The following AMZ1 variants were observed in gnomAD, a reference collection of about 807,000 sequenced individuals.
AMZ1 encodes the protein archaelysin family metallopeptidase 1, also known as archaemetzincin-1.
Under a neutral mutation model 29.9 loss-of-function variants are expected in AMZ1, and 39 were observed. That is an observed-to-expected ratio of 1.30 (90% CI 1.01 to 1.70). The LOEUF (loss-of-function observed/expected upper bound fraction) is 1.70. AMZ1 is among the 40% of genes most tolerant of loss of function. The probability of loss-of-function intolerance (pLI) is 0.00; values close to 1 mark genes in which losing one functional copy is unlikely to be tolerated. For missense variants in AMZ1, 1,041 were observed against 680.6 expected (o/e 1.53, Z -5.89); for synonymous variants, 458 against 304.0 (o/e 1.51, Z -5.27).
chr7:2,709,398 C>G (rs1435701601), intron 5 of AMZ1, among the ~76,000 whole-genome samples, 154 bp downstream of exon 5: 2 of 152,140 alleles, frequency 1.3e-5, no homozygotes, highest in Non-Finnish European at 2.9e-5. Context: ...AGCTATGAAG[C>G]AGCAGGGGAG....
intron 1 of AMZ1, among the ~76,000 whole-genome samples, chr7:2,689,455 C>G (rs1295426491): frequency 6.6e-6 from 1 of 152,112 alleles, no homozygotes; most frequent in Non-Finnish European, 1.5e-5. Context: ...CTGAGTTTAC[C>G]CATGGTATTA....
Position 2,715,955 on chromosome 7 carries a change from TTCTCGTC to T in AMZ1, c.*3080_*3086del, listed in dbSNP as rs1246837921. ...CACGTGCAAAGTCCACTGAATTGCT[TTCTCGTC>T]TCATCTGTCAGAAGCCCCTGCATTC... On this transcript the variant is annotated 3_prime_UTR_variant, in exon 7 of 7. Transcript: ENST00000683327. 1.3e-4 allele frequency: 20 copies of T among 152,368 alleles called. No individual in the cohort carries two copies. The highest frequency in any genetic ancestry group is 4.1e-4 in the African/African-American group (17 of 41,584). The allele number at this position is 152,368 out of a possible 1,614,324, so 9.4% of individuals were successfully genotyped here. A position where few individuals can be genotyped will look rare whatever the true frequency, so the allele number is the denominator to read the frequency against.
chr7:2,708,792 CCT>C, intron 4 of AMZ1, 76 bp downstream of exon 4: 1 of 1,599,366 alleles, frequency 6.3e-7, no homozygotes, highest in Non-Finnish European at 8.5e-7. Flanking sequence ...TGCAGGGCAC[CCT>C]CTTTGCTTTT....
At chr7:2,759,689 T>G (rs1433739983), upstream of AMZ1, among the ~76,000 whole-genome samples, 1 of 152,228 alleles carries the variant, frequency 6.6e-6, no homozygotes, top group Non-Finnish European at 1.5e-5. Flanking sequence ...TCAGACCCTC[T>G]TCTGTAGTCA....
chr7:2,690,315 C>T (rs752622597), intron 1 of AMZ1, among the ~76,000 whole-genome samples: 12 of 152,150 alleles, frequency 7.9e-5, no homozygotes, highest in East Asian at 1.9e-4. Context: ...ACCTCCAGGG[C>T]GAAAGCAATC....
intron 3 of AMZ1, among the ~76,000 whole-genome samples, chr7:2,703,853 C>G (rs1459367289): frequency 1.3e-5 from 2 of 152,210 alleles, no homozygotes; most frequent in Non-Finnish European, 2.9e-5. Flanking sequence ...TATTCTCATC[C>G]TTTGGCTAAG....
upstream of AMZ1, chr7:2,762,888 T>C (rs798488): frequency 0.29 from 410,311 of 1,433,962 alleles, 60,374 homozygotes; most frequent in Non-Finnish European, 0.3. Flanking sequence ...CGTGGAGCCA[T>C]TGGTGCTGCG....
chr7:2,737,283 TTTTTTG>T lies in AMZ1; in HGVS notation n.551-27423_551-27418del, dbSNP rs1562394941. 9.4e-3 allele frequency among the ~76,000 whole-genome samples: 571 copies of T among 61,036 alleles called. 49 individuals carry two copies. The highest frequency in any genetic ancestry group is 0.011 in the African/African-American group (167 of 14,914). 40.0% of individuals were successfully genotyped at this position (61,036 alleles called of 152,430 possible). A position where few individuals can be genotyped will look rare whatever the true frequency, so the allele number is the denominator to read the frequency against. Reference sequence around the variant, plus strand: ...CTCACAGTTTTGTTTTGTTTTTTTTTTTTTTGTTTTTTTTTTTTTTTTTGAGATGGA... The same window carrying T: ...CTCACAGTTTTGTTTTGTTTTTTTTTTTTTTTTTTTTTTTTTTGAGATGGA... On this transcript the variant is annotated intron_variant and non_coding_transcript_variant, in intron 4 of 4. Coordinates refer to the AMZ1 transcript ENST00000489665.
chr7:2,687,139 CAAG>C (rs958967075), upstream of AMZ1, among the ~76,000 whole-genome samples: 1 of 151,980 alleles, frequency 6.6e-6, no homozygotes, highest in African/African-American at 2.4e-5. Flanking sequence ...CCAGCCTGGC[CAAG>C]AAGGTGAAAC....
intron 4 of AMZ1, among the ~76,000 whole-genome samples, chr7:2,756,887 AAC>A (rs1791324175): frequency 6.6e-6 from 1 of 151,990 alleles, no homozygotes; most frequent in South Asian, 2.1e-4. Context: ...TGGTCTGGGT[AAC>A]ACAGTGAGAC....
At chr7:2,681,498 A>G (rs960652387) in intron 1 of AMZ1, among the ~76,000 whole-genome samples, 1 of 152,008 alleles carries the variant, frequency 6.6e-6, no homozygotes, top group African/African-American at 2.4e-5. Context: ...AGGGCTCGAG[A>G]GATCCATCCG....
intron 4 of AMZ1, among the ~76,000 whole-genome samples, chr7:2,734,575 G>C (rs1030893214): frequency 6.6e-6 from 1 of 152,208 alleles, no homozygotes; most frequent in Non-Finnish European, 1.5e-5. Flanking sequence ...GTAAGGGATG[G>C]AGAAAGGCGG....
upstream of AMZ1, chr7:2,763,137 C>G (rs1791648525): frequency 1.6e-5 from 19 of 1,212,142 alleles, no homozygotes; most frequent in Non-Finnish European, 1.6e-5. Flanking sequence ...TTCTCAGAAG[C>G]ATTTCTCGAA....
At chr7:2,747,097 A>G (rs1211681317) in intron 4 of AMZ1, among the ~76,000 whole-genome samples, 13 of 152,252 alleles carry the variant, frequency 8.5e-5, no homozygotes, top group Admixed American at 7.9e-4. Flanking sequence ...AGGTACAAGG[A>G]GGAGCTGGCA....
At chr7:2,686,212 A>T (rs906371713), upstream of AMZ1, among the ~76,000 whole-genome samples, 3 of 152,218 alleles carry the variant, frequency 2.0e-5, no homozygotes, top group Non-Finnish European at 2.9e-5. Flanking sequence ...CGCCTGCAGA[A>T]CGCAGTATGT....
intron 4 of AMZ1, among the ~76,000 whole-genome samples, chr7:2,736,319 C>T (rs963944519): frequency 6.6e-5 from 10 of 152,142 alleles, no homozygotes; most frequent in African/African-American, 1.4e-4. Flanking sequence ...TCTCGGGACT[C>T]TCCTTGGTGT....
At position 2,725,905 on chromosome 7, in the gene AMZ1, C is replaced by T. The variant is rs1243754922; in HGVS notation, n.550+16089C>T. Among the ~76,000 whole-genome samples, 7 of 150,626 alleles carry T rather than the reference C, an allele frequency of 4.6e-5. 1 individual carries two copies. Among genetic ancestry groups the T allele is most frequent in the Admixed American group, 2.6e-4 (4 of 15,156 alleles). ...CTCCCCTGGTGCCTCTGTATACAGG[C>T]GTCCAGCCCGCCCGCTGCAGTCCCC... On this transcript the variant is annotated intron_variant and non_coding_transcript_variant, in intron 4 of 4. Transcript: ENST00000489665.
intron 1 of AMZ1, among the ~76,000 whole-genome samples, chr7:2,696,013 G>A (rs4719632): frequency 0.49 from 51,913 of 106,834 alleles, 9,660 homozygotes; most frequent in Non-Finnish European, 0.51. Context: ...TCTTGGGGGG[G>A]AAAAAAAAAA....
At position 2,702,702 on chromosome 7, in the gene AMZ1, C is replaced by CGGTG. The variant is rs1788120681; in HGVS notation, c.305-19_305-16dup. ...GCGGGCAGGGGCGTCGCAGGGCTGACGGTGCTGCTCTCCCACCAGACCTGA... is the reference window on the plus strand; with the variant it reads ...GCGGGCAGGGGCGTCGCAGGGCTGACGGTGGGTGCTGCTCTCCCACCAGACCTGA... On this transcript the variant is annotated intron_variant, in intron 2 of 6. Transcript: ENST00000683327. 1 of 1,513,426 alleles carries CGGTG rather than the reference C, an allele frequency of 6.6e-7. No individual in the cohort carries two copies. Among genetic ancestry groups the CGGTG allele is most frequent in the Admixed American group, 2.1e-5 (1 of 48,750 alleles). 93.7% of individuals were successfully genotyped at this position (1,513,426 alleles called of 1,614,324 possible).
Sources: allele counts gnomAD v4.1 joint callset (sites outside exome capture counted in the v4.1 genomes callset), GRCh38; gene constraint gnomAD v4.1.1; transcripts MANE v1.5; gene names NCBI Gene and HGNC (gene_info 2026-07-23, HGNC 2026-07-21).